DLEU7: variants seen among roughly 807,000 people sequenced by gnomAD.
The protein encoded by DLEU7 is leukemia-associated protein 7.
A neutral mutation model predicts 16.0 loss-of-function variants in DLEU7; 17 were observed. The ratio of observed to expected loss-of-function variants is 1.06; its 90% CI spans 0.73 to 1.59. DLEU7 has a LOEUF of 1.59. DLEU7 is among the 40% of genes most tolerant of loss of function. The pLI, the probability that DLEU7 is intolerant of heterozygous loss-of-function variation, is 0.00. For missense variants in DLEU7, 308 were observed against 314.9 expected, an observed-to-expected ratio of 0.98 and a Z score of 0.17; for synonymous variants, 113 against 139.8, an observed-to-expected ratio of 0.81 and a Z score of 1.35.
intron 1 of DLEU7, among the ~76,000 whole-genome samples, chr13:50,768,291 T>A (rs944790414): frequency 5.9e-5 from 9 of 152,190 alleles, no homozygotes; most frequent in Non-Finnish European, 1.2e-4. Context: ...TGATTTTATT[T>A]TTTTTTTATT....
downstream of DLEU7, among the ~76,000 whole-genome samples, chr13:50,821,956 G>A (rs758235917): frequency 3.3e-5 from 5 of 151,992 alleles, no homozygotes; most frequent in African/African-American, 1.2e-4. Context: ...AATGCCCACC[G>A]CTTCTCAGCC....
At chr13:50,756,649 C>T (rs975432318) in intron 1 of DLEU7, among the ~76,000 whole-genome samples, 9 of 152,234 alleles carry the variant, frequency 5.9e-5, no homozygotes, top group African/African-American at 2.2e-4. Flanking sequence ...TGCCTCCCAG[C>T]TGTGAAAGAA....
intron 1 of DLEU7, among the ~76,000 whole-genome samples, chr13:50,769,802 GT>G (rs754446970): frequency 2.0e-5 from 3 of 152,134 alleles, no homozygotes; most frequent in Middle Eastern, 3.2e-3. Context: ...CTTTAAAGTA[GT>G]TTTTTCCAAT....
intron 1 of DLEU7, among the ~76,000 whole-genome samples, chr13:50,750,555 A>G (rs1255042980): frequency 6.6e-6 from 1 of 151,898 alleles, no homozygotes; most frequent in Non-Finnish European, 1.5e-5. Context: ...TATTGATTCA[A>G]CCCATTCATG....
At chr13:50,769,376 G>A (rs1875226323) in intron 1 of DLEU7, among the ~76,000 whole-genome samples, 1 of 152,182 alleles carries the variant, frequency 6.6e-6, no homozygotes, top group African/African-American at 2.4e-5. Context: ...GCTCTGTCCT[G>A]AATAGTATTG....
chr13:50,832,024 T>C (rs529287511), intron 1 of DLEU7, among the ~76,000 whole-genome samples: 1 of 152,300 alleles, frequency 6.6e-6, no homozygotes, highest in Admixed American at 6.5e-5. Flanking sequence ...GGAGTCTCTC[T>C]TTTTCTACGA....
intron 1 of DLEU7, among the ~76,000 whole-genome samples, chr13:50,839,506 G>T (rs1209762157): frequency 6.6e-6 from 1 of 152,128 alleles, no homozygotes; most frequent in African/African-American, 2.4e-5. Flanking sequence ...GAATTTTTCT[G>T]CCTCCATGCC....
chr13:50,782,909 G>A (rs138662026), intron 1 of DLEU7, among the ~76,000 whole-genome samples: 207 of 152,250 alleles, frequency 1.4e-3, no homozygotes, highest in Admixed American at 2.9e-3. Flanking sequence ...CTCAGCCTGC[G>A]TTCACCTACA....
At chr13:50,748,390 T>A (rs114814395) in intron 1 of DLEU7, among the ~76,000 whole-genome samples, 1 of 152,130 alleles carries the variant, frequency 6.6e-6, no homozygotes, top group African/African-American at 2.4e-5. Flanking sequence ...ATTATACTTT[T>A]AAAAATATAA....
chr13:50,718,739 G>A (rs927473684), intron 1 of DLEU7, among the ~76,000 whole-genome samples: 9 of 152,178 alleles, frequency 5.9e-5, no homozygotes, highest in Non-Finnish European at 1.2e-4. Context: ...CAGATAATGT[G>A]TGACCATTAA....
At chr13:50,715,773 C>T (rs1177906994) in intron 1 of DLEU7, among the ~76,000 whole-genome samples, 1 of 152,228 alleles carries the variant, frequency 6.6e-6, no homozygotes, top group Non-Finnish European at 1.5e-5. Context: ...GGCCTTCAGA[C>T]AACGTCTATG....
intron 1 of DLEU7, among the ~76,000 whole-genome samples, chr13:50,805,117 G>T (rs1457604637): frequency 6.6e-6 from 1 of 152,010 alleles, no homozygotes; most frequent in African/African-American, 2.4e-5. Flanking sequence ...TTCTTGTCTT[G>T]TTCCTGACAT....
At chr13:50,782,677 A>G (rs1394915572) in intron 1 of DLEU7, among the ~76,000 whole-genome samples, 1 of 151,370 alleles carries the variant, frequency 6.6e-6, no homozygotes, top group Non-Finnish European at 1.5e-5. Context: ...AAGTCAGAAG[A>G]TTTATTCCTT....
intron 1 of DLEU7, among the ~76,000 whole-genome samples, chr13:50,752,506 G>A (rs111944633): frequency 0.033 from 4,981 of 152,114 alleles, 162 homozygotes; most frequent in African/African-American, 0.088. Context: ...GGACCCTCGC[G>A]GTGAGTGTTA....
intron 1 of DLEU7, among the ~76,000 whole-genome samples, chr13:50,757,255 TTTG>T (rs1196383550): frequency 5.9e-5 from 9 of 152,282 alleles, no homozygotes; most frequent in Admixed American, 3.3e-4. Flanking sequence ...ATGATGATCT[TTTG>T]TTGTTGTTGT....
At chr13:50,739,141 G>C (rs1874176012) in intron 1 of DLEU7, among the ~76,000 whole-genome samples, 1 of 151,996 alleles carries the variant, frequency 6.6e-6, no homozygotes, top group Non-Finnish European at 1.5e-5. Context: ...CTCCCACCTA[G>C]CTCAATCCTA....
chr13:50,811,425 A>G (rs752552318), intron 1 of DLEU7, among the ~76,000 whole-genome samples: 5 of 152,114 alleles, frequency 3.3e-5, no homozygotes, highest in Non-Finnish European at 7.4e-5. Context: ...TCTCCTCTAT[A>G]TAGCACTCCT....
intron 1 of DLEU7, among the ~76,000 whole-genome samples, chr13:50,717,315 A>C (rs955984175): frequency 6.6e-6 from 1 of 152,218 alleles, no homozygotes; most frequent in African/African-American, 2.4e-5. Context: ...ACAGATGGTA[A>C]GTGGAAAATG....
intron 1 of DLEU7, among the ~76,000 whole-genome samples, chr13:50,814,928 C>T (rs561764314): frequency 1.6e-4 from 24 of 151,856 alleles, no homozygotes; most frequent in African/African-American, 5.8e-4. Context: ...ATTCATCAGA[C>T]TCCATGTACT....
Sources: allele counts gnomAD v4.1 joint callset (sites outside exome capture counted in the v4.1 genomes callset), GRCh38; gene constraint gnomAD v4.1.1; transcripts MANE v1.5; gene names NCBI Gene and HGNC (gene_info 2026-07-23, HGNC 2026-07-21).